Variants in TMEM50A observed in about 807,000 individuals in gnomAD.
The protein encoded by TMEM50A is cervical cancer oncogene 9.
TMEM50A carries 8 observed loss-of-function variants against 23.9 expected under a neutral mutation model. The ratio of observed to expected loss-of-function variants is 0.33; its 90% CI spans 0.20 to 0.60. The LOEUF (loss-of-function observed/expected upper bound fraction) is 0.60, where lower values mean the gene tolerates loss of function less well. Among genes scored for constraint, TMEM50A ranks in the 20% least tolerant of loss-of-function variants. The pLI, the probability that TMEM50A is intolerant of heterozygous loss-of-function variation, is 0.81. For missense variants in TMEM50A, 178 were observed against 192.7 expected (o/e 0.92, Z 0.45); for synonymous variants, 55 against 60.4 (o/e 0.91, Z 0.41).
intron 3 of TMEM50A, among the ~76,000 whole-genome samples, chr1:25,348,513 C>A (rs998399372): frequency 6.6e-6 from 1 of 152,006 alleles, no homozygotes; most frequent in Non-Finnish European, 1.5e-5. Flanking sequence ...GATGAAGCCC[C>A]GTCTCTACTA....
Position 25,343,058 on chromosome 1 carries a change from C to T in TMEM50A, c.191C>T (p.Thr64Ile). The T allele has an allele frequency of 1.2e-6, 2 of 1,609,770 alleles. No homozygotes were observed. Among genetic ancestry groups the T allele is most frequent in the African/African-American group, 1.3e-5 (1 of 74,920 alleles). The change falls in exon 3 of 7, where the codon ACC becomes ATC. Residue 64 changes from threonine (T) to isoleucine (I), a missense_variant. Physicochemically the swap from Thr to Ile is moderately conservative, Grantham distance 89 (BLOSUM62 -1). Transcript: ENST00000374358. The stretch of plus-strand genomic sequence containing the variant: ...TACCATGCCTGTGGTGTTATAGCAA[C>T]CATAGCCTTCCTAATGTAAGTGTCA... ...HSYHACGVIA[T>I]IAFLMINAVS... is the part of the protein sequence containing the mutation.
chr1:25,357,058 T>C (rs758084847), intron 6 of TMEM50A, among the ~76,000 whole-genome samples: 1 of 152,178 alleles, frequency 6.6e-6, no homozygotes, highest in Non-Finnish European at 1.5e-5. Context: ...ATATTAATTT[T>C]TAAGATTGCT....
At chr1:25,350,623 G>A (rs1218408691) in intron 3 of TMEM50A, among the ~76,000 whole-genome samples, 1 of 151,892 alleles carries the variant, frequency 6.6e-6, no homozygotes, top group Non-Finnish European at 1.5e-5. Flanking sequence ...CCTCACCTCA[G>A]GTGATCCGCC....
At chr1:25,353,064 A>G in intron 5 of TMEM50A, 90 bp downstream of exon 5, 1 of 1,173,722 alleles carries the variant, frequency 8.5e-7, no homozygotes, top group Non-Finnish European at 1.2e-6. Context: ...TTTTTTTCCT[A>G]TAGTTGGGCC....
Position 25,355,085 on chromosome 1 carries a change from A to T in TMEM50A, c.368-1708A>T, listed in dbSNP as rs539712883. The stretch of plus-strand genomic sequence containing the variant: ...CCACGCCCAGCCATCTATATATTTT[A>T]AAATGTATATATTTTGAGTTTGAGA... On this transcript the variant is annotated intron_variant, in intron 5 of 6. Coordinates refer to ENST00000374358, the MANE Select transcript of TMEM50A (RefSeq NM_014313.4). Among the ~76,000 whole-genome samples the T allele has an allele frequency of 3.9e-5, 6 of 152,248 alleles. No homozygotes were observed. The South Asian group carries it at 1.2e-3, about 32-fold the overall frequency.
chr1:25,360,567 T>C (rs1489534471), intron 6 of TMEM50A, 93 bp from the exon 7 acceptor site: 19 of 1,403,288 alleles, frequency 1.4e-5, no homozygotes, highest in Non-Finnish European at 1.6e-5. Flanking sequence ...TCATCAATTA[T>C]TCTTCGTTGT....
intron 5 of TMEM50A, among the ~76,000 whole-genome samples, chr1:25,354,299 T>A (rs1645310511): frequency 6.6e-6 from 1 of 152,176 alleles, no homozygotes; most frequent in Admixed American, 6.5e-5. Context: ...CATGTGTAAT[T>A]TATTATTAAA....
At chr1:25,356,968 A>G (rs1645339851) in intron 6 of TMEM50A, 115 bp downstream of exon 6, 1 of 695,466 alleles carries the variant, frequency 1.4e-6, no homozygotes. Context: ...CCCCCATGAT[A>G]TTTTCATAAA....
chr1:25,356,511 C>CA (rs568551835), intron 5 of TMEM50A, among the ~76,000 whole-genome samples: 2 of 151,774 alleles, frequency 1.3e-5, no homozygotes, highest in African/African-American at 4.8e-5. Context: ...TCCATGAGGG[C>CA]AAAAAAAATT....
intron 6 of TMEM50A, among the ~76,000 whole-genome samples, chr1:25,357,249 C>T (rs1411149078): frequency 1.3e-5 from 2 of 152,160 alleles, no homozygotes; most frequent in Admixed American, 6.6e-5. Context: ...TCCTTGATAT[C>T]GTAGAGTTTG....
intron 3 of TMEM50A, among the ~76,000 whole-genome samples, chr1:25,348,816 T>C (rs1159701894): frequency 2.0e-5 from 3 of 152,204 alleles, no homozygotes; most frequent in Non-Finnish European, 4.4e-5. Context: ...CACATCTATA[T>C]GTTTTAAAAG....
intron 6 of TMEM50A, among the ~76,000 whole-genome samples, chr1:25,358,323 T>G (rs1477642998): frequency 6.6e-6 from 1 of 152,190 alleles, no homozygotes; most frequent in African/African-American, 2.4e-5. Context: ...TGCAGGAAAT[T>G]GGTGTTTTGT....
At chr1:25,344,942 A>G (rs531006372) in intron 3 of TMEM50A, among the ~76,000 whole-genome samples, 37 of 151,964 alleles carry the variant, frequency 2.4e-4, no homozygotes, top group African/African-American at 8.9e-4. Flanking sequence ...ATTCTCAATT[A>G]TATTCTTTAA....
intron 5 of TMEM50A, 66 bp downstream of exon 5, chr1:25,353,040 A>G: frequency 6.9e-7 from 1 of 1,458,554 alleles, no homozygotes; most frequent in South Asian, 1.3e-5. Context: ...AAAGTTGGTT[A>G]TTTTAGAATA....
chr1:25,356,277 C>G (rs975816040), intron 5 of TMEM50A, among the ~76,000 whole-genome samples: 1 of 152,136 alleles, frequency 6.6e-6, no homozygotes, highest in Non-Finnish European at 1.5e-5. Context: ...TCTTTCTTTA[C>G]CCTGTCCCTG....
At chr1:25,346,040 G>A (rs896885031) in intron 3 of TMEM50A, among the ~76,000 whole-genome samples, 4 of 151,828 alleles carry the variant, frequency 2.6e-5, no homozygotes, top group East Asian at 2.0e-4. Flanking sequence ...CACCTGTCTC[G>A]GCCTCCCAAA....
chr1:25,353,480 C>T (rs1645301623), intron 5 of TMEM50A, among the ~76,000 whole-genome samples: 2 of 152,132 alleles, frequency 1.3e-5, no homozygotes, highest in South Asian at 4.1e-4. Context: ...ATGGATCTTG[C>T]TATGTTGCTA....
intron 6 of TMEM50A, among the ~76,000 whole-genome samples, chr1:25,357,337 C>T (rs1032900264): frequency 2.0e-5 from 3 of 152,102 alleles, no homozygotes; most frequent in Non-Finnish European, 4.4e-5. Context: ...GAAAAGATGA[C>T]GAAAACCTCT....
chr1:25,351,641 G>A lies in TMEM50A; in HGVS notation c.222G>A (p.Ser74=), dbSNP rs755215507. ...TIAFLMINAV[S]NGQVRGDSYS... Reference sequence around the variant, plus strand: ...ATTCATACAGGATTAATGCAGTATCGAATGGACAAGTCCGAGGTGATAGTT... The same window carrying A: ...ATTCATACAGGATTAATGCAGTATCAAATGGACAAGTCCGAGGTGATAGTT... The change falls in exon 4 of 7, where the codon TCG becomes TCA. Residue 74 remains serine (S), a synonymous_variant. Transcript: ENST00000374358. The A allele has an allele frequency of 7.4e-6, 12 of 1,612,618 alleles. 1 individual carries two copies. The highest frequency in any genetic ancestry group is 3.3e-4 in the Middle Eastern group (2 of 6,060).
Sources: allele counts gnomAD v4.1 joint callset (sites outside exome capture counted in the v4.1 genomes callset), GRCh38; gene constraint gnomAD v4.1.1; transcripts MANE v1.5; gene names NCBI Gene and HGNC (gene_info 2026-07-23, HGNC 2026-07-21).